ASCC3: variants seen among roughly 807,000 people sequenced by gnomAD.
ASCC3 encodes ASC-1 complex subunit P200.
ASCC3 carries 158 observed loss-of-function variants against 256.3 expected under a neutral mutation model. The observed-to-expected ratio is 0.62, with a 90% CI of 0.54 to 0.70. The LOEUF (loss-of-function observed/expected upper bound fraction) is 0.70, where lower values mean the gene tolerates loss of function less well. Ranked by LOEUF, ASCC3 falls within the 30% of genes least tolerant of loss-of-function variation. The pLI is 0.00. For missense variants in ASCC3, 2,259 were observed against 2,626.0 expected (o/e 0.86, Z 3.05); for synonymous variants, 948 against 883.4 (o/e 1.07, Z -1.30).
intron 13 of ASCC3, among the ~76,000 whole-genome samples, chr6:100,682,113 A>T (rs1024859009): frequency 2.0e-5 from 3 of 152,010 alleles, no homozygotes; most frequent in Non-Finnish European, 2.9e-5. Context: ...AGCAAGGCAA[A>T]TTTTTTTTCT....
chr6:100,513,742 T>TA (rs1359724723), intron 39 of ASCC3, among the ~76,000 whole-genome samples: 2 of 152,078 alleles, frequency 1.3e-5, no homozygotes, highest in Non-Finnish European at 2.9e-5. Context: ...AAGACATTTG[T>TA]AAAAAATCAG....
chr6:100,615,641 C>T (rs1406113633), intron 30 of ASCC3, among the ~76,000 whole-genome samples: 1 of 152,160 alleles, frequency 6.6e-6, no homozygotes, highest in Admixed American at 6.5e-5. Context: ...TAAAAGTAAA[C>T]TACTATTATG....
In ASCC3 at chr6:100,813,486, C is replaced by CA. The variant is rs562772686; in HGVS notation, c.802-7607dup. ...AAACAACAACAACAAAAAAAAAACA[C>CA]AAAAAACCTAAGAGATTTTGTTGAT... On this transcript the variant is annotated intron_variant, in intron 4 of 41. Transcript: ENST00000369162. Among the ~76,000 whole-genome samples, 39 of 151,552 alleles carry CA rather than the reference C, an allele frequency of 2.6e-4. 1 individual carries two copies. The South Asian group carries it at 6.1e-3, about 24-fold the overall frequency.
intron 8 of ASCC3, among the ~76,000 whole-genome samples, chr6:100,782,321 T>C (rs1782490223): frequency 6.6e-6 from 1 of 152,216 alleles, no homozygotes; most frequent in Middle Eastern, 3.2e-3. Flanking sequence ...AACAGTTTCA[T>C]GAAAATTTTG....
chr6:100,690,764 A>G (rs1042047999), intron 13 of ASCC3, among the ~76,000 whole-genome samples: 1 of 152,162 alleles, frequency 6.6e-6, no homozygotes, highest in African/African-American at 2.4e-5. Context: ...AGTAATCCAC[A>G]ATAGTGAGAT....
chr6:100,511,561 T>C (rs1261274350), intron 40 of ASCC3, among the ~76,000 whole-genome samples: 6 of 152,112 alleles, frequency 3.9e-5, no homozygotes, highest in Non-Finnish European at 5.9e-5. Context: ...TGAAACCCTA[T>C]CTCTACTAAA....
At chr6:100,631,080 C>T (rs1774518255) in intron 26 of ASCC3, 48 bp downstream of exon 26, 7 of 1,357,192 alleles carry the variant, frequency 5.2e-6, no homozygotes, top group Non-Finnish European at 7.3e-6. Flanking sequence ...TTTCCTGGTC[C>T]TTTTAGTCAA....
At chr6:100,847,168 A>C (rs1772422882) in intron 4 of ASCC3, among the ~76,000 whole-genome samples, 1 of 152,186 alleles carries the variant, frequency 6.6e-6, no homozygotes, top group African/African-American at 2.4e-5. Flanking sequence ...AAAATAAAAT[A>C]TCCATTAATT....
intron 13 of ASCC3, among the ~76,000 whole-genome samples, chr6:100,700,158 G>A (rs1286008177): frequency 6.6e-6 from 1 of 152,076 alleles, no homozygotes; most frequent in African/African-American, 2.4e-5. Context: ...AGGTCTAGGA[G>A]GAAAAAGTGG....
intron 3 of ASCC3, among the ~76,000 whole-genome samples, chr6:100,861,224 A>T (rs1003539263): frequency 1.1e-4 from 17 of 152,120 alleles, no homozygotes; most frequent in Non-Finnish European, 2.2e-4. Context: ...GCCTACTTTC[A>T]ACACATACAA....
chr6:100,657,916 A>G (rs1775992029), intron 16 of ASCC3, among the ~76,000 whole-genome samples: 1 of 151,562 alleles, frequency 6.6e-6, no homozygotes, highest in Non-Finnish European at 1.5e-5. Flanking sequence ...GCTGTCACCT[A>G]GTGGCTACTT....
rs1554206965 is a variant in ASCC3, at chr6:100,644,033, G to GA, written c.3729_3730insT (p.Gln1244SerfsTer4). 1 of 1,601,872 alleles carries GA rather than the reference G, an allele frequency of 6.2e-7. No homozygotes were observed. Among genetic ancestry groups the GA allele is most frequent in the Non-Finnish European group, 8.5e-7 (1 of 1,169,970 alleles). ...TATATTCACATATATACACTTACTT[G>GA]TTTTTTTAGAGCTAGAAAATACTCT... On this transcript the variant is annotated frameshift_variant, in exon 23 of 42. Coordinates refer to ENST00000369162, the MANE Select transcript of ASCC3 (RefSeq NM_006828.4). LOFTEE classifies it high-confidence loss of function.
intron 14 of ASCC3, among the ~76,000 whole-genome samples, chr6:100,663,351 G>A (rs1034810388): frequency 6.6e-6 from 1 of 152,024 alleles, no homozygotes; most frequent in Non-Finnish European, 1.5e-5. Flanking sequence ...TAAGTTACAT[G>A]CTCTTCTGAG....
intron 9 of ASCC3, 65 bp downstream of exon 9, chr6:100,767,080 T>C (rs1323253830): frequency 2.0e-6 from 3 of 1,515,868 alleles, no homozygotes; most frequent in East Asian, 2.3e-5. Flanking sequence ...TCATGTAATA[T>C]TAAAACTGCA....
chr6:100,712,902 C>G (rs137872551), intron 13 of ASCC3, among the ~76,000 whole-genome samples: 1 of 151,702 alleles, frequency 6.6e-6, no homozygotes, highest in Non-Finnish European at 1.5e-5. Context: ...GGACTACAGA[C>G]GCCCACCACC....
At chr6:100,699,861 G>A (rs1778269492) in intron 13 of ASCC3, among the ~76,000 whole-genome samples, 1 of 152,114 alleles carries the variant, frequency 6.6e-6, no homozygotes, top group Admixed American at 6.5e-5. Context: ...GATGATTCAG[G>A]GTATCTGCTG....
At chr6:100,708,133 A>G (rs570661422) in intron 13 of ASCC3, among the ~76,000 whole-genome samples, 51 of 152,278 alleles carry the variant, frequency 3.3e-4, no homozygotes, top group Non-Finnish European at 5.7e-4. Context: ...AAATTACAAC[A>G]AAGTTTTCAC....
At chr6:100,636,166 C>G (rs1235124213) in intron 25 of ASCC3, among the ~76,000 whole-genome samples, 2 of 152,252 alleles carry the variant, frequency 1.3e-5, no homozygotes, top group South Asian at 2.1e-4. Flanking sequence ...GTGGCAACCC[C>G]ACATCGAGCA....
chr6:100,520,035 C>G (rs1007293694), intron 37 of ASCC3, among the ~76,000 whole-genome samples: 9 of 152,122 alleles, frequency 5.9e-5, no homozygotes, highest in African/African-American at 2.2e-4. Flanking sequence ...AATGTTGCTA[C>G]AAGTTTCTCT....
Sources: allele counts gnomAD v4.1 joint callset (sites outside exome capture counted in the v4.1 genomes callset), GRCh38; gene constraint gnomAD v4.1.1; transcripts MANE v1.5; gene names NCBI Gene and HGNC (gene_info 2026-07-23, HGNC 2026-07-21).